Variants in EIPR1 observed in about 807,000 individuals in gnomAD.
The protein encoded by EIPR1 is EARP complex and GARP complex interacting protein 1.
EIPR1 carries 25 observed loss-of-function variants against 48.1 expected under a neutral mutation model. That is an observed-to-expected ratio of 0.52 (90% confidence interval 0.38 to 0.73). The LOEUF is 0.73. Ranked by LOEUF, EIPR1 falls within the 30% of genes least tolerant of loss-of-function variation. EIPR1 has a pLI of 0.00. For missense variants in EIPR1, 415 were observed against 506.2 expected (o/e 0.82, Z 1.73); for synonymous variants, 204 against 201.9 (o/e 1.01, Z -0.09).
chr2:3,300,526 CG>C (rs975939228), intron 3 of EIPR1, among the ~76,000 whole-genome samples: 2 of 152,198 alleles, frequency 1.3e-5, no homozygotes, highest in African/African-American at 4.8e-5. Flanking sequence ...TGCATGTCCA[CG>C]GCCACATCCT....
At chr2:3,261,994 G>C (rs1323739759) in intron 3 of EIPR1, 1 of 152,196 alleles carries the variant, frequency 6.6e-6, no homozygotes, top group Non-Finnish European at 1.5e-5. Flanking sequence ...AATGGGCCCT[G>C]GAGAATGCCT....
At chr2:3,205,881 T>A (rs1665217108) in intron 5 of EIPR1, among the ~76,000 whole-genome samples, 1 of 152,210 alleles carries the variant, frequency 6.6e-6, no homozygotes. Flanking sequence ...ATAATACAGG[T>A]CAAATGTCCA....
intron 3 of EIPR1, chr2:3,262,090 C>T (rs957774110): frequency 2.0e-5 from 3 of 152,220 alleles, no homozygotes; most frequent in Non-Finnish European, 4.4e-5. Flanking sequence ...GATTCCCAGG[C>T]CCTCAGGCAC....
intron 3 of EIPR1, among the ~76,000 whole-genome samples, chr2:3,314,943 C>T (rs1489722990): frequency 6.6e-6 from 1 of 151,796 alleles, no homozygotes; most frequent in African/African-American, 2.4e-5. Flanking sequence ...CCTGGCAAGG[C>T]CCTGCCCTGG....
At chr2:3,296,810 G>A (rs1477979259) in intron 3 of EIPR1, among the ~76,000 whole-genome samples, 2 of 152,038 alleles carry the variant, frequency 1.3e-5, no homozygotes, top group African/African-American at 4.8e-5. Flanking sequence ...CATCCAGCCT[G>A]TCCTCTCTGC....
chr2:3,192,512 G>A lies in EIPR1; in HGVS notation c.891C>T (p.Val297=). ...AGATGGACACCATGTTGGAAAGGATGACTCTGCTGTCACTGCTGCCCGTGA... is the reference window on the plus strand; with the variant it reads ...AGATGGACACCATGTTGGAAAGGATAACTCTGCTGTCACTGCTGCCCGTGA... ...LVLTGSSDSR[V]ILSNMVSISS... Residue 297 remains valine (V), a synonymous_variant, in exon 8 of 9, where the codon GTC becomes GTT. Coordinates refer to ENST00000382125, the MANE Select transcript of EIPR1 (RefSeq NM_003310.5). The A allele has an allele frequency of 6.2e-7, 1 of 1,613,244 alleles. No individual in the cohort carries two copies. The highest frequency in any genetic ancestry group is 8.5e-7 in the Non-Finnish European group (1 of 1,179,908).
intron 2 of EIPR1, among the ~76,000 whole-genome samples, chr2:3,339,905 G>C (rs984124327): frequency 3.9e-5 from 6 of 152,194 alleles, no homozygotes; most frequent in South Asian, 2.1e-4. Context: ...AGCCGAGATG[G>C]CGCCACCGCA....
chr2:3,284,832 G>C (rs909208541), intron 3 of EIPR1, among the ~76,000 whole-genome samples: 2 of 152,128 alleles, frequency 1.3e-5, no homozygotes, highest in African/African-American at 4.8e-5. Context: ...AGCAGAGTCA[G>C]AGGAAGAGAA....
chr2:3,295,879 C>A (rs1668562127), intron 3 of EIPR1, among the ~76,000 whole-genome samples: 1 of 138,184 alleles, frequency 7.2e-6, no homozygotes, highest in Non-Finnish European at 1.6e-5. Context: ...TCTGCACACA[C>A]CCTCCATCCA....
intron 3 of EIPR1, among the ~76,000 whole-genome samples, chr2:3,302,995 G>A (rs538114602): frequency 6.6e-6 from 1 of 152,290 alleles, no homozygotes; most frequent in South Asian, 2.1e-4. Flanking sequence ...AACTGAAATT[G>A]TGACTCAAGA....
chr2:3,285,371 C>T (rs1402499726), intron 3 of EIPR1, among the ~76,000 whole-genome samples: 1 of 120,632 alleles, frequency 8.3e-6, no homozygotes. Context: ...TGGACGGGAG[C>T]AGCAACACCC....
intron 3 of EIPR1, among the ~76,000 whole-genome samples, chr2:3,287,555 T>TAGAAAGCGCGTTCACCACGCTCC (rs1668234832): frequency 8.5e-6 from 1 of 117,918 alleles, no homozygotes; most frequent in Non-Finnish European, 1.8e-5. Flanking sequence ...CACCACAATC[T>TAGAAAGCGCGTTCACCACGCTCC]AGAAAGCGCG....
intron 4 of EIPR1, among the ~76,000 whole-genome samples, chr2:3,247,112 C>G (rs1260920879): frequency 7.0e-6 from 1 of 143,774 alleles, no homozygotes; most frequent in Non-Finnish European, 1.5e-5. Flanking sequence ...AGGGAGGGAG[C>G]TGCCACTGTC....
chr2:3,223,736 C>T (rs1261979555), intron 4 of EIPR1, among the ~76,000 whole-genome samples: 1 of 152,086 alleles, frequency 6.6e-6, no homozygotes, highest in Non-Finnish European at 1.5e-5. Context: ...TGGACACCTG[C>T]CCTCTGCTCT....
At chr2:3,375,517 C>T (rs1364763243) in intron 1 of EIPR1, among the ~76,000 whole-genome samples, 6 of 152,132 alleles carry the variant, frequency 3.9e-5, no homozygotes, top group Non-Finnish European at 8.8e-5. Flanking sequence ...TTAAGTAGCA[C>T]TGGCAGAGTA....
At chr2:3,369,131 C>G (rs1671045731) in intron 1 of EIPR1, among the ~76,000 whole-genome samples, 1 of 152,154 alleles carries the variant, frequency 6.6e-6, no homozygotes, top group African/African-American at 2.4e-5. Context: ...CGATAAAATC[C>G]AAGTAGCAAA....
intron 2 of EIPR1, among the ~76,000 whole-genome samples, chr2:3,353,795 A>G (rs1184515525): frequency 1.3e-5 from 2 of 152,128 alleles, no homozygotes; most frequent in Non-Finnish European, 2.9e-5. Context: ...GTTTCACTAC[A>G]TCCTATCCAG....
chr2:3,347,255 A>G (rs1223800213), intron 2 of EIPR1, among the ~76,000 whole-genome samples: 1 of 152,134 alleles, frequency 6.6e-6, no homozygotes, highest in East Asian at 1.9e-4. Context: ...GGCCTAATAC[A>G]CCAACAGACC....
chr2:3,205,480 G>A (rs1461940142), intron 5 of EIPR1, among the ~76,000 whole-genome samples: 2 of 152,110 alleles, frequency 1.3e-5, no homozygotes, highest in Non-Finnish European at 2.9e-5. Context: ...ATGGCAGAGT[G>A]GAAAGATGCA....
Sources: allele counts gnomAD v4.1 joint callset (sites outside exome capture counted in the v4.1 genomes callset), GRCh38; gene constraint gnomAD v4.1.1; transcripts MANE v1.5; gene names NCBI Gene and HGNC (gene_info 2026-07-23, HGNC 2026-07-21).